ADARB2: variants seen among roughly 807,000 people sequenced by gnomAD.
The protein encoded by ADARB2 is adenosine deaminase RNA specific B2 (inactive).
Under a neutral mutation model 62.2 loss-of-function variants are expected in ADARB2, and 25 were observed. The ratio of observed to expected loss-of-function variants is 0.40; its 90% CI spans 0.29 to 0.56. The LOEUF (loss-of-function observed/expected upper bound fraction) is 0.56. Ranked by LOEUF, ADARB2 falls within the 20% of genes least tolerant of loss-of-function variation. The pLI is 0.43. For synonymous variants in ADARB2, 572 were observed against 500.8 expected, an observed-to-expected ratio of 1.14 and a Z score of -1.90; for missense variants, 1,071 against 1,077.4, an observed-to-expected ratio of 0.99 and a Z score of 0.08.
chr10:1,538,247 G>A (rs1832359077), intron 1 of ADARB2, among the ~76,000 whole-genome samples: 1 of 152,232 alleles, frequency 6.6e-6, no homozygotes, highest in Admixed American at 6.5e-5. Context: ...GGCTGTGGCT[G>A]CAGGGGTCGC....
At chr10:1,619,170 A>C (rs1833678785) in intron 1 of ADARB2, among the ~76,000 whole-genome samples, 2 of 152,200 alleles carry the variant, frequency 1.3e-5, no homozygotes, top group African/African-American at 4.8e-5. Context: ...TTAAATATGA[A>C]TGGTCTAAAC....
intron 1 of ADARB2, among the ~76,000 whole-genome samples, chr10:1,404,157 T>A (rs1406471532): frequency 6.6e-6 from 1 of 152,224 alleles, no homozygotes; most frequent in Non-Finnish European, 1.5e-5. Flanking sequence ...AGATGAGCTC[T>A]AGAGGCCAAG....
chr10:1,215,462 G>A (rs1025981708), intron 7 of ADARB2, among the ~76,000 whole-genome samples: 8 of 152,198 alleles, frequency 5.3e-5, no homozygotes, highest in Non-Finnish European at 1.0e-4. Flanking sequence ...TCAGGCCTTC[G>A]GCTTCCTGGC....
intron 1 of ADARB2, among the ~76,000 whole-genome samples, chr10:1,636,957 C>T (rs753047336): frequency 6.6e-6 from 1 of 150,900 alleles, no homozygotes; most frequent in Non-Finnish European, 1.5e-5. Flanking sequence ...TTCCAACCAA[C>T]ACTTTTGGGT....
chr10:1,615,880 C>T (rs1384594852), intron 1 of ADARB2, among the ~76,000 whole-genome samples: 2 of 152,186 alleles, frequency 1.3e-5, no homozygotes, highest in South Asian at 2.1e-4. Flanking sequence ...GTAAACACGC[C>T]GAATTCACCA....
At chr10:1,662,637 G>C (rs1834264817) in intron 1 of ADARB2, among the ~76,000 whole-genome samples, 1 of 152,188 alleles carries the variant, frequency 6.6e-6, no homozygotes, top group Non-Finnish European at 1.5e-5. Flanking sequence ...GTCAAATCTG[G>C]GTGAGGCTAG....
chr10:1,518,116 C>A (rs886090253), intron 1 of ADARB2, among the ~76,000 whole-genome samples: 2 of 152,164 alleles, frequency 1.3e-5, no homozygotes, highest in South Asian at 2.1e-4. Context: ...AGAGGCCAAC[C>A]CGTTAGAAAA....
intron 1 of ADARB2, among the ~76,000 whole-genome samples, chr10:1,687,580 G>C (rs1282782976): frequency 6.6e-6 from 1 of 151,480 alleles, no homozygotes; most frequent in East Asian, 1.9e-4. Context: ...AGAGATTAAA[G>C]TTATGCATTA....
At chr10:1,300,590 G>A (rs1417694524) in intron 3 of ADARB2, among the ~76,000 whole-genome samples, 1 of 152,186 alleles carries the variant, frequency 6.6e-6, no homozygotes, top group Admixed American at 6.5e-5. Flanking sequence ...ATTTACTGAA[G>A]ACCTGTTCAA....
intron 1 of ADARB2, among the ~76,000 whole-genome samples, chr10:1,484,827 C>A (rs919277374): frequency 6.6e-6 from 1 of 152,044 alleles, no homozygotes; most frequent in Non-Finnish European, 1.5e-5. Flanking sequence ...TGTTGGCATG[C>A]AGGTGTGTAT....
chr10:1,203,817 T>C (rs1837016717), intron 7 of ADARB2, among the ~76,000 whole-genome samples: 1 of 152,118 alleles, frequency 6.6e-6, no homozygotes, highest in Non-Finnish European at 1.5e-5. Flanking sequence ...GACTGTCTTC[T>C]CAGTGGACCT....
chr10:1,583,834 C>A (rs191913902), intron 1 of ADARB2, among the ~76,000 whole-genome samples: 248 of 152,238 alleles, frequency 1.6e-3, no homozygotes, highest in African/African-American at 5.6e-3. Flanking sequence ...ATCAGTGGAA[C>A]AGAATAGAGA....
chr10:1,225,672 G>T (rs918266517), intron 6 of ADARB2, among the ~76,000 whole-genome samples: 1 of 148,290 alleles, frequency 6.7e-6, no homozygotes, highest in Admixed American at 6.7e-5. Flanking sequence ...CACTTATGAA[G>T]CTTAGTTTGG....
chr10:1,636,751 ACAT>A (rs769156208), intron 1 of ADARB2, among the ~76,000 whole-genome samples: 32 of 149,470 alleles, frequency 2.1e-4, no homozygotes, highest in East Asian at 7.8e-4. Flanking sequence ...TGTATAATAT[ACAT>A]CATATCAATA....
intron 1 of ADARB2, among the ~76,000 whole-genome samples, chr10:1,393,269 A>C (rs114881234): frequency 2.0e-3 from 308 of 152,378 alleles, no homozygotes; most frequent in African/African-American, 7.3e-3. Context: ...TATGGGACAC[A>C]TGAGATGTTT....
chr10:1,679,733 ACTGTGCCACGAT>A (rs1409567043), intron 1 of ADARB2, among the ~76,000 whole-genome samples: 1 of 152,202 alleles, frequency 6.6e-6, no homozygotes, highest in Admixed American at 6.5e-5. Context: ...CGTCTAAGCC[ACTGTGCCACGAT>A]CTGTCGTTGA....
At chr10:1,414,150 C>T (rs1355796262) in intron 1 of ADARB2, among the ~76,000 whole-genome samples, 10 of 152,228 alleles carry the variant, frequency 6.6e-5, no homozygotes. Context: ...CCTGGAATTG[C>T]TCAACCTACC....
At chr10:1,292,358 C>T (rs1043098581) in intron 3 of ADARB2, 10 of 152,166 alleles carry the variant, frequency 6.6e-5, no homozygotes, top group East Asian at 1.9e-4. Context: ...ATATTACTGT[C>T]GCAGGATTAG....
intron 6 of ADARB2, among the ~76,000 whole-genome samples, chr10:1,225,364 C>T (rs1303079027): frequency 1.3e-5 from 2 of 152,104 alleles, no homozygotes; most frequent in African/African-American, 4.8e-5. Context: ...ACTCTTTTTC[C>T]AATTTGCCAG....
Sources: gnomAD v4.1 joint callset for allele counts (sites outside exome capture counted in the v4.1 genomes callset) on GRCh38, gnomAD v4.1.1 for gene constraint, MANE v1.5 for transcripts, NCBI Gene and HGNC (gene_info 2026-07-23, HGNC 2026-07-21) for gene names.